Variants in FUT8 observed in about 807,000 individuals in gnomAD.
FUT8 encodes the protein alpha-(1,6)-fucosyltransferase.
In FUT8, 29 loss-of-function variants were observed where a neutral mutation model predicts 71.3. The ratio of observed to expected loss-of-function variants is 0.41; its 90% confidence interval spans 0.30 to 0.55. The LOEUF (loss-of-function observed/expected upper bound fraction) is 0.55, where lower values mean the gene tolerates loss of function less well. Among genes scored for constraint, FUT8 ranks in the 20% least tolerant of loss-of-function variants. FUT8 has a pLI of 0.34. For synonymous variants in FUT8, 254 were observed against 239.3 expected (o/e 1.06, Z -0.57); for missense variants, 544 against 702.1 (o/e 0.77, Z 2.55).
chr14:65,666,278 G>C lies in FUT8; in HGVS notation c.598-2965G>C, dbSNP rs539482349. On this transcript the variant is annotated intron_variant, in intron 6 of 10. Coordinates refer to ENST00000673929, the MANE Select transcript of FUT8 (RefSeq NM_001371533.1). Reference sequence around the variant, plus strand: ...CAGGATTCTTTCCTGAATAAGAAACGTACTGGATCAGTCCTGACCTATTTT... The same window carrying C: ...CAGGATTCTTTCCTGAATAAGAAACCTACTGGATCAGTCCTGACCTATTTT... Among the ~76,000 whole-genome samples the C allele has an allele frequency of 5.3e-5, 8 of 152,132 alleles. 1 individual carries two copies. In the South Asian group the frequency reaches 1.5e-3, roughly 28 times the overall value.
At chr14:65,479,270 A>G (rs928483684) in intron 2 of FUT8, among the ~76,000 whole-genome samples, 1 of 152,224 alleles carries the variant, frequency 6.6e-6, no homozygotes, top group African/African-American at 2.4e-5. Flanking sequence ...AATTTAATCT[A>G]CTTTTTCCTT....
chr14:65,384,416 A>G, the FUT8 span, among the ~76,000 whole-genome samples: 1 of 151,910 alleles, frequency 6.6e-6, no homozygotes, highest in Non-Finnish European at 1.5e-5. This position sits in a 1 kb window ranked among gnomAD's most constrained non-coding sequence, Gnocchi z 4.2. Flanking sequence ...CCTGACTAAA[A>G]TTCTTTTGTA....
At chr14:65,729,192 A>AT (rs1895836992) in intron 9 of FUT8, among the ~76,000 whole-genome samples, 1 of 151,668 alleles carries the variant, frequency 6.6e-6, no homozygotes, top group Non-Finnish European at 1.5e-5. Flanking sequence ...TGCCCAGCTA[A>AT]TTTTTTATGG....
chr14:65,685,823 G>A (rs552173812), intron 7 of FUT8, among the ~76,000 whole-genome samples: 5 of 152,286 alleles, frequency 3.3e-5, no homozygotes, highest in African/African-American at 1.2e-4. Flanking sequence ...GCATGCTAAT[G>A]TATTATAATT....
rs1163836369 is a variant in FUT8 at position 65,616,353 on chromosome 14, G to C, written c.462G>C (p.Leu154Phe). 2 of 1,601,946 alleles carry C rather than the reference G, an allele frequency of 1.2e-6. No individual in the cohort carries two copies. The highest frequency in any genetic ancestry group is 3.5e-5 in the Admixed American group (2 of 56,932). The change falls in exon 5 of 11, where the codon TTG (leucine) becomes TTC (phenylalanine). Residue 154 changes from leucine to phenylalanine, a missense_variant. By Grantham distance (22) the Leu-to-Phe change is conservative. Transcript: ENST00000673929. ...AAAGACATGCAGATGAATTTCTTTT[G>C]GATTTAGGACATCATGAAAGGTACT... ...ELQRHADEFL[L>F]DLGHHERSIM...
At chr14:65,721,684 G>A in intron 7 of FUT8, 91 bp from the exon 8 acceptor site, 3 of 1,246,486 alleles carry the variant, frequency 2.4e-6, no homozygotes, top group Non-Finnish European at 3.5e-6. Flanking sequence ...GAGTTGCTGT[G>A]AGGATGAAAG....
Position 65,521,338 on chromosome 14 carries a change from C to T in FUT8, c.-227-39999C>T, listed in dbSNP as rs77667031. 5.8e-3 allele frequency among the ~76,000 whole-genome samples: 877 copies of T among 152,166 alleles called. 72 individuals carry two copies. In the South Asian group the frequency reaches 0.16, roughly 28 times the overall value. On this transcript the variant is annotated intron_variant, in intron 2 of 10. Transcript: ENST00000673929. ...AAAAATGTATGAGTATGGATAAAAA[C>T]ATATATATTAGTCTAAATGAAATTA...
In FUT8 at chr14:65,467,815, T is replaced by C; in HGVS notation, c.-228+12097T>C. On this transcript the variant is annotated intron_variant, in intron 2 of 10. Transcript: ENST00000673929. The surrounding 1 kb of genome is among the most constrained non-coding windows in gnomAD (Gnocchi z 4.1). ...ATTTTTTTTAACACCTGTTATGCTATGAATTCACAGGGAATAGGTTCCAGC... is the reference window on the plus strand; with the variant it reads ...ATTTTTTTTAACACCTGTTATGCTACGAATTCACAGGGAATAGGTTCCAGC... 1.3e-6 allele frequency: 1 copy of C among 747,736 alleles called. No homozygotes were observed. Among genetic ancestry groups the C allele is most frequent in the East Asian group, 2.6e-5 (1 of 38,176 alleles). The allele number at this position is 747,736 out of a possible 1,614,324, so 46.3% of individuals were successfully genotyped here. A position where few individuals can be genotyped will look rare whatever the true frequency, so the allele number is the denominator to read the frequency against.
At chr14:65,678,873 C>CT (rs1376338933) in intron 7 of FUT8, among the ~76,000 whole-genome samples, 2 of 152,140 alleles carry the variant, frequency 1.3e-5, no homozygotes, top group Non-Finnish European at 2.9e-5. Flanking sequence ...TTTGGTATCT[C>CT]TCTATTGACT....
intron 2 of FUT8, among the ~76,000 whole-genome samples, chr14:65,475,869 G>C (rs2066231250): frequency 6.6e-6 from 1 of 152,144 alleles, no homozygotes; most frequent in African/African-American, 2.4e-5. Flanking sequence ...TGTAGGGGGT[G>C]AGGTGGCAAC....
At chr14:65,644,622 A>C (rs973366617) in intron 6 of FUT8, among the ~76,000 whole-genome samples, 1 of 152,118 alleles carries the variant, frequency 6.6e-6, no homozygotes, top group Admixed American at 6.5e-5. Flanking sequence ...CGGCCTCCCA[A>C]AGTGCTGGGA....
intron 10 of FUT8, among the ~76,000 whole-genome samples, chr14:65,735,854 G>T (rs1158621883): frequency 6.6e-6 from 1 of 152,124 alleles, no homozygotes. Flanking sequence ...TAATGTTTTT[G>T]TAGTGTGAAT....
intron 7 of FUT8, among the ~76,000 whole-genome samples, chr14:65,711,022 T>C (rs982459156): frequency 2.3e-4 from 35 of 152,220 alleles, no homozygotes; most frequent in Admixed American, 9.8e-4. Context: ...TCTAGAACAG[T>C]ACCAAGTCTT....
chr14:65,530,039 A>G (rs962502399), intron 2 of FUT8, among the ~76,000 whole-genome samples: 2 of 152,168 alleles, frequency 1.3e-5, no homozygotes, highest in African/African-American at 4.8e-5. Flanking sequence ...TTTTTACCCT[A>G]TGCACATGTA....
At chr14:65,374,601 G>T in the FUT8 span, among the ~76,000 whole-genome samples, 87 of 144,890 alleles carry the variant, frequency 6.0e-4, no homozygotes, top group African/African-American at 1.3e-3. Flanking sequence ...TGTTTTTTTT[G>T]TTTTTTTTTT....
At chr14:65,534,624 G>T (rs988147497) in intron 2 of FUT8, among the ~76,000 whole-genome samples, 5 of 151,162 alleles carry the variant, frequency 3.3e-5, no homozygotes, top group Admixed American at 6.6e-5. Flanking sequence ...TCTGTTCAGG[G>T]ATTCAGTTTC....
intron 3 of FUT8, among the ~76,000 whole-genome samples, chr14:65,564,955 A>G (rs1253986553): frequency 6.6e-6 from 1 of 152,008 alleles, no homozygotes; most frequent in Non-Finnish European, 1.5e-5. Context: ...TTGCTATCAC[A>G]GAATACCTGA....
intron 7 of FUT8, among the ~76,000 whole-genome samples, chr14:65,673,353 A>T (rs1045204519): frequency 6.6e-6 from 1 of 152,242 alleles, no homozygotes; most frequent in African/African-American, 2.4e-5. Flanking sequence ...ATGCTGTACT[A>T]CATGAAGACA....
chr14:65,576,696 C>CTTTTT (rs376473739), intron 3 of FUT8, among the ~76,000 whole-genome samples: 31 of 96,216 alleles, frequency 3.2e-4, no homozygotes, highest in African/African-American at 1.2e-3. Context: ...GCCCAGCTTG[C>CTTTTT]TTTTTTTTTT....
Sources: allele counts gnomAD v4.1 joint callset (sites outside exome capture counted in the v4.1 genomes callset), GRCh38; gene constraint gnomAD v4.1.1; non-coding constraint Gnocchi (gnomAD v3.1); transcripts MANE v1.5; gene names NCBI Gene and HGNC (gene_info 2026-07-23, HGNC 2026-07-21).